The following CDRT4 variants were observed in gnomAD, a reference collection of about 807,000 sequenced individuals.
CDRT4 encodes the protein CMT1A duplicated region transcript 4 protein.
For missense variants in CDRT4, 167 were observed against 193.1 expected (o/e 0.87, Z 0.80); for synonymous variants, 64 against 69.6 (o/e 0.92, Z 0.40).
rs748717078 is a variant in CDRT4 at position 15,440,242 on chromosome 17, C to T, written c.-4G>A. ...TCTTCATCCTTCTTGCATCCATCTT[C>T]TTTTTAATATTTACTGATTTCTTAA... On this transcript the variant is annotated 5_prime_UTR_variant, in exon 3 of 4. Transcript: ENST00000619038. 2.5e-6 allele frequency: 4 copies of T among 1,613,646 alleles called. No homozygotes were observed. In the East Asian group the frequency reaches 8.9e-5, roughly 36 times the overall value.
chr17:15,450,321 C>G lies in CDRT4; in HGVS notation c.-48+2683G>C, dbSNP rs1309403184. Among the ~76,000 whole-genome samples the G allele has an allele frequency of 1.3e-5, 2 of 152,248 alleles. No individual in the cohort carries two copies. The highest frequency in any genetic ancestry group is 1.5e-5 in the Non-Finnish European group (1 of 68,014). ...TCGTACCAACTCTCCACCATAAGCT[C>G]CCCTGCACTATGCCTTCCTTCCCAC... On this transcript the variant is annotated intron_variant, in intron 2 of 3. Transcript: ENST00000619038. The surrounding 1 kb of genome is among the most constrained non-coding windows in gnomAD (Gnocchi z 4.2).
rs114114302 is a variant in CDRT4 at position 15,439,038 on chromosome 17, C to G, written c.32-838G>C. ...TCAACGCATTAGTTTATCAAGCAGCCTGTTCCTTTACAGATCCAAAATCAT... is the reference window on the plus strand; with the variant it reads ...TCAACGCATTAGTTTATCAAGCAGCGTGTTCCTTTACAGATCCAAAATCAT... On this transcript the variant is annotated intron_variant, in intron 3 of 3. Transcript: ENST00000619038. 1,000 of 444,270 alleles carry G rather than the reference C, an allele frequency of 2.3e-3. 6 individuals are homozygous for G. Among genetic ancestry groups the G allele is most frequent in the African/African-American group, 0.018 (892 of 49,690 alleles). The allele number at this position is 444,270 out of a possible 1,614,324, so 27.5% of individuals were successfully genotyped here. A position where few individuals can be genotyped will look rare whatever the true frequency, so the allele number is the denominator to read the frequency against.
chr17:15,454,609 T>A (rs1265110768), intron 1 of CDRT4, among the ~76,000 whole-genome samples: 1 of 152,150 alleles, frequency 6.6e-6, no homozygotes, highest in Non-Finnish European at 1.5e-5. Flanking sequence ...ATTTCTCTTC[T>A]CAGATCATTG....
chr17:15,441,550 T>TA (rs1345956086), intron 2 of CDRT4, among the ~76,000 whole-genome samples: 1 of 152,208 alleles, frequency 6.6e-6, no homozygotes, highest in Non-Finnish European at 1.5e-5. Context: ...TCCTCCGAGA[T>TA]AAGCAGTTCC....
chr17:15,462,635 GA>G (rs1198842444), intron 1 of CDRT4, among the ~76,000 whole-genome samples: 21 of 152,238 alleles, frequency 1.4e-4, no homozygotes, highest in African/African-American at 4.1e-4. Flanking sequence ...GCAGCCACAT[GA>G]ATGAATCACA....
At position 15,444,580 on chromosome 17, in the gene CDRT4, C is replaced by T. The variant is rs116696812; in HGVS notation, c.-47-4295G>A. On this transcript the variant is annotated intron_variant, in intron 2 of 3. Coordinates refer to ENST00000619038, the MANE Select transcript of CDRT4 (RefSeq NM_001204477.2). ...TTAGAAACAGAAAAAGAACCGGGCGCGGTGGCTCACACTGTAATCCCAGCA... is the reference window on the plus strand; with the variant it reads ...TTAGAAACAGAAAAAGAACCGGGCGTGGTGGCTCACACTGTAATCCCAGCA... Among the ~76,000 whole-genome samples, 359 of 152,164 alleles carry T rather than the reference C, an allele frequency of 2.4e-3. 2 individuals carry two copies. The highest frequency in any genetic ancestry group is 6.4e-3 in the African/African-American group (264 of 41,514).
chr17:15,448,586 TGTCAG>T (rs1274893666), intron 2 of CDRT4, among the ~76,000 whole-genome samples: 2 of 152,218 alleles, frequency 1.3e-5, no homozygotes, highest in Non-Finnish European at 2.9e-5. Context: ...AAGAGAACTT[TGTCAG>T]GTCATCATCA....
rs907613361 is a variant in CDRT4 at position 15,450,829 on chromosome 17, A to G, written c.-48+2175T>C. Among the ~76,000 whole-genome samples, 2 of 152,204 alleles carry G rather than the reference A, an allele frequency of 1.3e-5. No homozygotes were observed. Among genetic ancestry groups the G allele is most frequent in the Non-Finnish European group, 2.9e-5 (2 of 68,044 alleles). On this transcript the variant is annotated intron_variant, in intron 2 of 3. Coordinates refer to ENST00000619038, the MANE Select transcript of CDRT4 (RefSeq NM_001204477.2). The surrounding 1 kb of genome is among the most constrained non-coding windows in gnomAD (Gnocchi z 4.2). ...CTCTTCCATCTCAGAAAGAGGCATCATCATTCATCGAATTGCCCAGTTCAA... is the reference window on the plus strand; with the variant it reads ...CTCTTCCATCTCAGAAAGAGGCATCGTCATTCATCGAATTGCCCAGTTCAA...
rs1381707184 is a variant in CDRT4, at chr17:15,437,437, T to C, written c.*336A>G. On this transcript the variant is annotated 3_prime_UTR_variant, in exon 4 of 4. Coordinates refer to ENST00000619038, the MANE Select transcript of CDRT4 (RefSeq NM_001204477.2). ...CTGTCACCTGGTTAATCATTCTTTA[T>C]ATTATCTCTAATAAAAGAGCTTGTG... 5.8e-6 allele frequency: 2 copies of C among 347,170 alleles called. No individual in the cohort carries two copies. Among genetic ancestry groups the C allele is most frequent in the Middle Eastern group, 8.5e-4 (1 of 1,174 alleles). The allele number at this position is 347,170 out of a possible 1,614,324, so 21.5% of individuals were successfully genotyped here.
chr17:15,462,297 G>A (rs548410733), intron 1 of CDRT4, among the ~76,000 whole-genome samples: 137 of 151,890 alleles, frequency 9.0e-4, no homozygotes, highest in Non-Finnish European at 1.5e-3. Context: ...CCGTGGTGGC[G>A]GGCACCTGTA....
In CDRT4 at chr17:15,438,045, A is replaced by C. The variant is rs761212033; in HGVS notation, c.187T>G (p.Trp63Gly). ...GAAGGTTTATTCTGCCTTGATGCCC[A>C]GGGTCTTTCCTCGAGGGCACGCATG... ...ECMRALEERPWASRQNKPSSV... is the reference protein window; with the variant it reads ...ECMRALEERPGASRQNKPSSV... The change falls in exon 4 of 4, where the codon TGG (tryptophan) becomes GGG (glycine). Residue 63 changes from tryptophan to glycine, a missense_variant. Transcript: ENST00000619038. 1.2e-6 allele frequency: 2 copies of C among 1,614,130 alleles called. No homozygotes were observed. The highest frequency in any genetic ancestry group is 8.5e-7 in the Non-Finnish European group (1 of 1,180,036).
rs757615520 is a variant in CDRT4, at chr17:15,438,058, G to A, written c.174C>T (p.Leu58=). Residue 58 remains leucine (L), a synonymous_variant, in exon 4 of 4, where the codon CTC becomes CTT. Coordinates refer to ENST00000619038, the MANE Select transcript of CDRT4 (RefSeq NM_001204477.2). The part of the protein sequence containing the change: ...KTRELECMRA[L]EERPWASRQN... ...GCCTTGATGCCCAGGGTCTTTCCTC[G>A]AGGGCACGCATGCATTCCAGTTCTC... The A allele has an allele frequency of 6.1e-5, 99 of 1,613,962 alleles. No individual in the cohort carries two copies. Among genetic ancestry groups the A allele is most frequent in the South Asian group, 4.4e-4 (40 of 91,080 alleles).
At chr17:15,440,915 C>G (rs903405465) in intron 2 of CDRT4, among the ~76,000 whole-genome samples, 1 of 152,066 alleles carries the variant, frequency 6.6e-6, no homozygotes, top group Non-Finnish European at 1.5e-5. Context: ...AGCCCACCTC[C>G]AGAACTGCTG....
intron 1 of CDRT4, among the ~76,000 whole-genome samples, chr17:15,466,185 AGG>A (rs1284585562): frequency 1.3e-5 from 2 of 152,202 alleles, no homozygotes; most frequent in African/African-American, 4.8e-5. Flanking sequence ...ATTTGAACCC[AGG>A]GACTCGGCTG....
At position 15,466,797 on chromosome 17, in the gene CDRT4, G is replaced by A. The variant is rs527751221; in HGVS notation, c.-130+663C>T. On this transcript the variant is annotated intron_variant, in intron 1 of 3. Coordinates refer to ENST00000619038, the MANE Select transcript of CDRT4 (RefSeq NM_001204477.2). ...TTGCCTAGGCTGGTCTTGAGTTCTC[G>A]GCCTCAAACAATCCTCCTGCCTCAG... Among the ~76,000 whole-genome samples the A allele has an allele frequency of 1.7e-3, 256 of 152,196 alleles. 1 individual carries two copies. In the Middle Eastern group the frequency reaches 0.021, roughly 12 times the overall value.
chr17:15,461,103 G>T (rs1597469576), intron 1 of CDRT4, among the ~76,000 whole-genome samples: 1 of 152,188 alleles, frequency 6.6e-6, no homozygotes, highest in East Asian at 1.9e-4. Flanking sequence ...ACATCACCTT[G>T]TTCTGTTTCC....
At position 15,439,008 on chromosome 17, in the gene CDRT4, G is replaced by C. The variant is rs1978631078; in HGVS notation, c.32-808C>G. 3 of 395,140 alleles carry C rather than the reference G, an allele frequency of 7.6e-6. No homozygotes were observed. The Admixed American group carries it at 8.7e-5, about 11-fold the overall frequency. 24.5% of individuals were successfully genotyped at this position (395,140 alleles called of 1,614,324 possible). The stretch of plus-strand genomic sequence containing the variant: ...TTGCCGAGGGGGGTGGGTGTTGCTA[G>C]AAATTCAACGCATTAGTTTATCAAG... On this transcript the variant is annotated intron_variant, in intron 3 of 3. Coordinates refer to ENST00000619038, the MANE Select transcript of CDRT4 (RefSeq NM_001204477.2).
At chr17:15,443,271 T>A (rs1195047976) in intron 2 of CDRT4, among the ~76,000 whole-genome samples, 1 of 148,474 alleles carries the variant, frequency 6.7e-6, no homozygotes, top group Non-Finnish European at 1.5e-5. Context: ...CTGTAATTTC[T>A]TTTTTTCTTT....
At chr17:15,458,412 AG>A (rs894419137) in intron 1 of CDRT4, among the ~76,000 whole-genome samples, 1 of 152,086 alleles carries the variant, frequency 6.6e-6, no homozygotes, top group Non-Finnish European at 1.5e-5. Context: ...GTCAGAGTGG[AG>A]GGGGGAACCT....
Sources: gnomAD v4.1 joint callset for allele counts (sites outside exome capture counted in the v4.1 genomes callset) on GRCh38, gnomAD v4.1.1 for gene constraint, Gnocchi (gnomAD v3.1) non-coding constraint, MANE v1.5 for transcripts, NCBI Gene and HGNC (gene_info 2026-07-23, HGNC 2026-07-21) for gene names.